The following PCDH11X variants were observed in gnomAD, a reference collection of about 807,000 sequenced individuals.
PCDH11X encodes the protein protocadherin 11 X-linked.
In PCDH11X, 18 loss-of-function variants were observed where a neutral mutation model predicts 53.3. The observed-to-expected ratio is 0.34, with a 90% confidence interval of 0.23 to 0.50. PCDH11X has a LOEUF of 0.50. Ranked by LOEUF, PCDH11X falls within the 20% of genes least tolerant of loss-of-function variation. The pLI, the probability that PCDH11X is intolerant of heterozygous loss-of-function variation, is 0.98. For missense variants in PCDH11X, 570 were observed against 1,032.4 expected (o/e 0.55, Z 6.14); for synonymous variants, 279 against 393.3 (o/e 0.71, Z 3.44).
intron 6 of PCDH11X, among the ~76,000 whole-genome samples, chrX:91,998,894 C>CTTTTATTTTATTTTATTTTATTTTA (rs751332097): frequency 3.7e-5 from 4 of 108,625 alleles, no homozygotes; most frequent in African/African-American, 1.4e-4. Context: ...GTTTCTTTTC[C>CTTTTATTTTATTTTATTTTATTTTA]TTTTATTTTA....
intron 10 of PCDH11X, among the ~76,000 whole-genome samples, chrX:92,608,123 G>T (rs2750700): frequency 9.2e-6 from 1 of 108,619 alleles, no homozygotes; most frequent in Admixed American, 9.9e-5. Context: ...TCTATTTTTA[G>T]TTTTTAAAAT....
chrX:92,111,112 G>A (rs2064494829), intron 6 of PCDH11X, among the ~76,000 whole-genome samples: 1 of 103,316 alleles, frequency 9.7e-6, no homozygotes, highest in African/African-American at 3.5e-5. Context: ...AGTTTAGTCT[G>A]CAGCAGTGAT....
At chrX:92,279,310 CT>C (rs755084593) in intron 8 of PCDH11X, among the ~76,000 whole-genome samples, 1 of 112,183 alleles carries the variant, frequency 8.9e-6, no homozygotes, top group African/African-American at 3.2e-5. Flanking sequence ...AGGTTTTCTT[CT>C]TGAAGTGCAT....
chrX:92,039,216 G>T (rs1374512172), intron 6 of PCDH11X, among the ~76,000 whole-genome samples: 4 of 110,416 alleles, frequency 3.6e-5, no homozygotes, highest in Admixed American at 9.6e-5. Context: ...CCACTACCAG[G>T]CTCCTTTCTA....
At chrX:92,105,526 G>A (rs6618855) in intron 6 of PCDH11X, among the ~76,000 whole-genome samples, 1 of 108,741 alleles carries the variant, frequency 9.2e-6, no homozygotes, top group Non-Finnish European at 1.9e-5. Flanking sequence ...GGGCTGAGTC[G>A]GAAAAGAGAG....
At chrX:92,481,737 C>T (rs1246659365) in intron 10 of PCDH11X, among the ~76,000 whole-genome samples, 5 of 111,688 alleles carry the variant, frequency 4.5e-5, no homozygotes, top group South Asian at 3.7e-4. Flanking sequence ...CTGCTACAGA[C>T]GCTCCCGCAC....
At chrX:92,180,861 CTT>C (rs149189638) in intron 6 of PCDH11X, among the ~76,000 whole-genome samples, 3 of 101,202 alleles carry the variant, frequency 3.0e-5, no homozygotes, top group Non-Finnish European at 4.0e-5. Flanking sequence ...TCCATTAAAA[CTT>C]TTTTTTTTTT....
At position 92,219,637 on chromosome X, in the gene PCDH11X, G is replaced by C. The variant is rs1379324287; in HGVS notation, c.3114+18182G>C. Among the ~76,000 whole-genome samples, 12 of 97,147 alleles carry C rather than the reference G, an allele frequency of 1.2e-4. 1 individual carries two copies. The Admixed American group carries it at 1.4e-3, about 11-fold the overall frequency. 84.4% of individuals were successfully genotyped at this position (97,147 alleles called of 115,157 possible). The stretch of plus-strand genomic sequence containing the variant: ...GCCATACTGCCCAAGGTAATTTATA[G>C]ATTCAATGCCATCCCCATAAAGCTA... On this transcript the variant is annotated intron_variant, in intron 7 of 10. Coordinates refer to ENST00000682573, the MANE Select transcript of PCDH11X (RefSeq NM_032968.5).
intron 10 of PCDH11X, among the ~76,000 whole-genome samples, chrX:92,575,520 A>G (rs976912516): frequency 9.2e-6 from 1 of 109,024 alleles, no homozygotes; most frequent in Non-Finnish European, 1.9e-5. Flanking sequence ...GCTACAATTG[A>G]CTTTATAAAA....
At chrX:92,258,273 G>A (rs2067639786) in intron 7 of PCDH11X, among the ~76,000 whole-genome samples, 1 of 111,376 alleles carries the variant, frequency 9.0e-6, no homozygotes, top group Non-Finnish European at 1.9e-5. Flanking sequence ...CTGTAATGGG[G>A]GGTGCTACGG....
chrX:92,237,879 C>T (rs2067199468), intron 7 of PCDH11X, among the ~76,000 whole-genome samples: 1 of 111,676 alleles, frequency 9.0e-6, no homozygotes, highest in Non-Finnish European at 1.9e-5. Flanking sequence ...CAGAATAACT[C>T]AATGGACAAT....
At chrX:91,801,995 T>C (rs1196098427) in intron 1 of PCDH11X, among the ~76,000 whole-genome samples, 1 of 113,662 alleles carries the variant, frequency 8.8e-6, no homozygotes, top group Non-Finnish European at 1.9e-5. Flanking sequence ...AATGCTTCAC[T>C]GAAATAATTC....
chrX:91,964,278 G>A (rs1200311986), intron 6 of PCDH11X, among the ~76,000 whole-genome samples: 1 of 109,134 alleles, frequency 9.2e-6, no homozygotes, highest in Non-Finnish European at 1.9e-5. Flanking sequence ...AAATGCCAAT[G>A]TTACTTTTCA....
chrX:91,846,480 T>C (rs993922731), intron 5 of PCDH11X, among the ~76,000 whole-genome samples: 3 of 109,564 alleles, frequency 2.7e-5, no homozygotes, highest in African/African-American at 1.0e-4. Flanking sequence ...TAGCCGGGCG[T>C]GGTCGCGGGC....
At chrX:91,971,154 G>A (rs2147907878) in intron 6 of PCDH11X, among the ~76,000 whole-genome samples, 1 of 110,795 alleles carries the variant, frequency 9.0e-6, no homozygotes, top group South Asian at 3.8e-4. Context: ...TTTTCTTTTT[G>A]ATTTTGCACT....
At chrX:91,819,626 A>AT (rs1556213979) in intron 4 of PCDH11X, among the ~76,000 whole-genome samples, 1 of 98,303 alleles carries the variant, frequency 1.0e-5, no homozygotes, top group African/African-American at 4.7e-5. Context: ...TCCAGCAAGC[A>AT]TTTCTTTTTT....
At position 92,387,787 on chromosome X, in the gene PCDH11X, G is replaced by C; in HGVS notation, c.3197G>C (p.Ser1066Thr). 1 of 1,212,116 alleles carries C rather than the reference G, an allele frequency of 8.3e-7. No individual in the cohort carries two copies. Among genetic ancestry groups the C allele is most frequent in the Non-Finnish European group, 1.1e-6 (1 of 895,535 alleles). Residue 1066 changes from serine to threonine, a missense_variant, in exon 9 of 11, where the codon AGT becomes ACT. Coordinates refer to ENST00000682573, the MANE Select transcript of PCDH11X (RefSeq NM_032968.5). ...HLPEGSQESS[S>T]DGGLGDHDAG... ...CCAGAAGGCTCTCAGGAAAGCAGCA[G>C]TGATGGTGGACTGGGAGACCATGAT... is the stretch of plus-strand genomic sequence containing the variant.
Position 92,298,084 on chromosome X carries a change from C to T in PCDH11X, c.3144+34941C>T, listed in dbSNP as rs149055782. Among the ~76,000 whole-genome samples the T allele has an allele frequency of 5.0e-3, 563 of 111,613 alleles. 3 individuals are homozygous for T. Among genetic ancestry groups the T allele is most frequent in the African/African-American group, 0.018 (548 of 30,689 alleles). ...GTTTTCTAGGTATAGAATCATATCA[C>T]CTGCAAACAAGGACAGTTTGACTTG... On this transcript the variant is annotated intron_variant, in intron 8 of 10. Transcript: ENST00000682573.
intron 10 of PCDH11X, among the ~76,000 whole-genome samples, chrX:92,611,095 A>T: frequency 1.0e-5 from 1 of 100,118 alleles, no homozygotes; most frequent in Admixed American, 1.1e-4. Context: ...TTGTGGTTCC[A>T]TATAAATTTT....
Sources: allele counts gnomAD v4.1 joint callset (sites outside exome capture counted in the v4.1 genomes callset), GRCh38; gene constraint gnomAD v4.1.1; transcripts MANE v1.5; gene names NCBI Gene and HGNC (gene_info 2026-07-23, HGNC 2026-07-21).